The following C16orf87 variants were observed in gnomAD, a reference collection of about 807,000 sequenced individuals.
C16orf87 encodes the protein UPF0547 protein C16orf87.
C16orf87 carries 13 observed loss-of-function variants against 21.0 expected under a neutral mutation model. The ratio of observed to expected loss-of-function variants is 0.62; its 90% CI spans 0.40 to 0.98. The LOEUF (loss-of-function observed/expected upper bound fraction) is 0.98. C16orf87 is among the 50% of genes least tolerant of loss of function. C16orf87 has a pLI of 0.00. For synonymous variants in C16orf87, 49 were observed against 60.2 expected, an observed-to-expected ratio of 0.81 and a Z score of 0.86; for missense variants, 113 against 180.4, an observed-to-expected ratio of 0.63 and a Z score of 2.14.
chr16:46,812,496 C>T (rs137859379), intron 2 of C16orf87, among the ~76,000 whole-genome samples: 2 of 152,160 alleles, frequency 1.3e-5, no homozygotes, highest in Non-Finnish European at 2.9e-5. Flanking sequence ...GGATTTGCTT[C>T]AAAATGATGC....
In C16orf87 at chr16:46,811,833, C is replaced by T. The variant is rs145108174; in HGVS notation, c.164-2048G>A. ...GTAGCTCATGCTTGTAATCCAAAAG[C>T]ACTTTAGGCATTTGGGAGGCCGAGG... On this transcript the variant is annotated intron_variant, in intron 2 of 3. Transcript: ENST00000285697. Among the ~76,000 whole-genome samples, 66 of 152,244 alleles carry T rather than the reference C, an allele frequency of 4.3e-4. No individual in the cohort carries two copies. The East Asian group carries it at 0.012, about 29-fold the overall frequency.
In C16orf87 at chr16:46,800,274, A is replaced by G. The variant is rs748141195; in HGVS notation, c.*2678T>C. On this transcript the variant is annotated 3_prime_UTR_variant, in exon 4 of 4. Transcript: ENST00000285697. ...TTGCAATTTTAAATTTTCTCATCAT[A>G]AACTGCTTCAAGCTGTTTGATCACT... 1.3e-5 allele frequency: 2 copies of G among 152,086 alleles called. No homozygotes were observed. Among genetic ancestry groups the G allele is most frequent in the African/African-American group, 2.4e-5 (1 of 41,406 alleles). 9.4% of individuals were successfully genotyped at this position (152,086 alleles called of 1,614,324 possible). A position where few individuals can be genotyped will look rare whatever the true frequency, so the allele number is the denominator to read the frequency against.
rs80170893 is a variant in C16orf87, at chr16:46,813,170, A to G, written c.164-3385T>C. Among the ~76,000 whole-genome samples, 141 of 152,264 alleles carry G rather than the reference A, an allele frequency of 9.3e-4. 2 individuals are homozygous for G. In the East Asian group the frequency reaches 0.026, roughly 28 times the overall value. ...TGCTCTGATTTCTTCCCTAAACTCT[A>G]GACTGCCTACCTGACAACTTCACTT... On this transcript the variant is annotated intron_variant, in intron 2 of 3. Transcript: ENST00000285697.
chr16:46,819,832 G>A (rs934058143), intron 2 of C16orf87, among the ~76,000 whole-genome samples: 1 of 151,662 alleles, frequency 6.6e-6, no homozygotes, highest in African/African-American at 2.4e-5. Context: ...AAATTAGCCG[G>A]GTGTGGTGAC....
intron 1 of C16orf87, among the ~76,000 whole-genome samples, chr16:46,826,483 C>A (rs1959623921): frequency 6.6e-6 from 1 of 152,170 alleles, no homozygotes; most frequent in Non-Finnish European, 1.5e-5. Flanking sequence ...AATCTAAACA[C>A]TTGATCTAAT....
rs1253220336 is a variant in C16orf87 at position 46,802,250 on chromosome 16, A to T, written c.*702T>A. ...AGTTTGTTTTTTTTTTTTAGCTAAT[A>T]AATAAATTACATTCAAGAAAACAAG... is the stretch of plus-strand genomic sequence containing the variant. On this transcript the variant is annotated 3_prime_UTR_variant, in exon 4 of 4. Transcript: ENST00000285697. 1.3e-5 allele frequency: 2 copies of T among 152,352 alleles called. No individual in the cohort carries two copies. The highest frequency in any genetic ancestry group is 2.9e-5 in the Non-Finnish European group (2 of 67,956). The allele number at this position is 152,352 out of a possible 1,614,324, so 9.4% of individuals were successfully genotyped here.
intron 2 of C16orf87, among the ~76,000 whole-genome samples, chr16:46,815,525 A>C (rs1968215750): frequency 6.6e-6 from 1 of 152,156 alleles, no homozygotes; most frequent in Non-Finnish European, 1.5e-5. Flanking sequence ...AATAATATAA[A>C]GAATTTACAA....
intron 3 of C16orf87, among the ~76,000 whole-genome samples, chr16:46,804,787 ACT>A (rs1451553877): frequency 6.6e-6 from 1 of 152,048 alleles, no homozygotes; most frequent in Non-Finnish European, 1.5e-5. Flanking sequence ...ACAAGCAACC[ACT>A]GTTCTGATTT....
intron 2 of C16orf87, among the ~76,000 whole-genome samples, chr16:46,817,939 A>AAAAAAAAAAAAAC (rs1226959901): frequency 6.8e-6 from 1 of 147,634 alleles, no homozygotes; most frequent in African/African-American, 2.5e-5. Flanking sequence ...AAAAAAAAAA[A>AAAAAAAAAAAAAC]CCACAAAAAT....
chr16:46,810,130 TAAGA>T (rs1342315828), intron 2 of C16orf87, among the ~76,000 whole-genome samples: 1 of 152,082 alleles, frequency 6.6e-6, no homozygotes. Flanking sequence ...AGTGAAATAT[TAAGA>T]AAGGAAAAAA....
intron 2 of C16orf87, among the ~76,000 whole-genome samples, chr16:46,813,599 T>G (rs938076516): frequency 6.6e-6 from 1 of 152,184 alleles, no homozygotes; most frequent in Non-Finnish European, 1.5e-5. Context: ...ATCTGGCATT[T>G]GCCTCTTTCT....
rs1276742007 is a variant in C16orf87, at chr16:46,802,905, G to A, written c.*47C>T. ...AGAGTCCATAACTGTTTGAGAATTT[G>A]CTGATGTTATCCTGACAGAAGTTTC... is the stretch of plus-strand genomic sequence containing the variant. On this transcript the variant is annotated 3_prime_UTR_variant, in exon 4 of 4. Transcript: ENST00000285697. The A allele has an allele frequency of 3.4e-6, 3 of 872,744 alleles. No homozygotes were observed. In the African/African-American group the frequency reaches 5.0e-5, roughly 15 times the overall value. The allele number at this position is 872,744 out of a possible 1,614,324, so 54.1% of individuals were successfully genotyped here.
intron 2 of C16orf87, among the ~76,000 whole-genome samples, chr16:46,820,524 T>A (rs955371458): frequency 1.3e-5 from 2 of 152,218 alleles, no homozygotes; most frequent in African/African-American, 2.4e-5. Flanking sequence ...GTACATAAAA[T>A]CTGTATCATT....
chr16:46,803,028 TCAGA>T lies in C16orf87; in HGVS notation c.385_388del (p.Ser129MetfsTer14). 2 of 1,606,014 alleles carry T rather than the reference TCAGA, an allele frequency of 1.2e-6. No individual in the cohort carries two copies. The highest frequency in any genetic ancestry group is 1.7e-6 in the Non-Finnish European group (2 of 1,173,702). On this transcript the variant is annotated frameshift_variant, in exon 4 of 4. Transcript: ENST00000285697. LOFTEE classifies it high-confidence loss of function. ...GACTGAAAACACGAAAGCCTTTTCA[TCAGA>T]CAGGTTAGCATAGATGTCAATTTCC...
intron 2 of C16orf87, among the ~76,000 whole-genome samples, chr16:46,814,337 C>A (rs1282592593): frequency 6.6e-6 from 1 of 152,156 alleles, no homozygotes; most frequent in East Asian, 1.9e-4. Context: ...TAACTAGAGA[C>A]TATTGCAGTA....
chr16:46,818,857 T>C (rs895804488), intron 2 of C16orf87, among the ~76,000 whole-genome samples: 3 of 151,878 alleles, frequency 2.0e-5, no homozygotes, highest in Admixed American at 6.6e-5. Flanking sequence ...GGCAGAAAAA[T>C]AGGGTCTGGA....
intron 3 of C16orf87, among the ~76,000 whole-genome samples, chr16:46,803,379 C>T (rs1003736192): frequency 6.6e-6 from 1 of 152,116 alleles, no homozygotes; most frequent in Admixed American, 6.5e-5. Flanking sequence ...CTCTGCTAGA[C>T]GAAATTCACT....
At chr16:46,811,657 C>T (rs1164931045) in intron 2 of C16orf87, among the ~76,000 whole-genome samples, 1 of 151,800 alleles carries the variant, frequency 6.6e-6, no homozygotes, top group East Asian at 1.9e-4. Context: ...AGAGGTTATT[C>T]AAGGAATATG....
At chr16:46,830,307 A>AGAGAGAGAGAGGGAGT in intron 1 of C16orf87, among the ~76,000 whole-genome samples, 1 of 109,142 alleles carries the variant, frequency 9.2e-6, no homozygotes, top group Non-Finnish European at 1.8e-5. Context: ...AGAGAGAGAG[A>AGAGAGAGAGAGGGAGT]GACACACAGA....
Sources: gnomAD v4.1 joint callset for allele counts (sites outside exome capture counted in the v4.1 genomes callset) on GRCh38, gnomAD v4.1.1 for gene constraint, MANE v1.5 for transcripts, NCBI Gene and HGNC (gene_info 2026-07-23, HGNC 2026-07-21) for gene names.